Variants in PEX7 observed in about 807,000 individuals in gnomAD.
PEX7 encodes peroxisomal biogenesis factor 7.
Under a neutral mutation model 47.5 loss-of-function variants are expected in PEX7, and 34 were observed. That is an observed-to-expected ratio of 0.72 (90% CI 0.54 to 0.95). The LOEUF (loss-of-function observed/expected upper bound fraction) is 0.95. Among genes scored for constraint, PEX7 ranks in the 40% least tolerant of loss-of-function variants. PEX7 has a pLI of 0.00. For missense variants in PEX7, 394 were observed against 400.3 expected (o/e 0.98, Z 0.13); for synonymous variants, 141 against 148.8 (o/e 0.95, Z 0.38).
chr6:136,829,493 A>G (rs1582734910), intron 3 of PEX7, among the ~76,000 whole-genome samples: 2 of 152,194 alleles, frequency 1.3e-5, no homozygotes, highest in Admixed American at 6.5e-5. Context: ...CCTACGTCCT[A>G]AAACCATTAC....
chr6:136,852,714 T>C (rs1158119415), intron 5 of PEX7, among the ~76,000 whole-genome samples: 2 of 7,092 alleles, frequency 2.8e-4, no homozygotes, highest in African/African-American at 1.4e-3. Flanking sequence ...AGAATCAATA[T>C]CGTGAAAATG....
At chr6:136,826,555 A>G (rs1435926384) in intron 3 of PEX7, 86 bp downstream of exon 3, 5 of 1,479,206 alleles carry the variant, frequency 3.4e-6, no homozygotes, top group Non-Finnish European at 4.7e-6. Context: ...ATGGAGAAAT[A>G]TCTTCAGGGG....
chr6:136,887,303 T>C (rs748648932), intron 8 of PEX7, among the ~76,000 whole-genome samples: 6 of 152,158 alleles, frequency 3.9e-5, no homozygotes, highest in Non-Finnish European at 7.3e-5. Flanking sequence ...ATTTAATCTC[T>C]CATAAAGTGA....
Position 136,913,511 on chromosome 6 carries a change from T to C in PEX7, c.957T>C (p.Leu319=), listed in dbSNP as rs1275603952. The part of the protein sequence containing the change: ...ETIKIYDPAC[L]TIPA ...TAAAGATCTATGACCCTGCTTGTCTTACTATTCCTGCTTGAGATACACTAC... is the reference window on the plus strand; with the variant it reads ...TAAAGATCTATGACCCTGCTTGTCTCACTATTCCTGCTTGAGATACACTAC... The change falls in exon 10 of 10, where the codon CTT becomes CTC. Residue 319 remains leucine (L), a synonymous_variant. Transcript: ENST00000318471. 6.2e-7 allele frequency: 1 copy of C among 1,611,130 alleles called. No homozygotes were observed. Among genetic ancestry groups the C allele is most frequent in the East Asian group, 2.2e-5 (1 of 44,830 alleles).
chr6:136,866,719 T>TATACA lies in PEX7; in HGVS notation c.619_620insATACA (p.Cys207TyrfsTer11). ...GGCAGAAATCTTGAGTTGTGACTGGTGTAAATACAATGAGGTATAGTGTAT... is the reference window on the plus strand; with the variant it reads ...GGCAGAAATCTTGAGTTGTGACTGGTATACAGTAAATACAATGAGGTATAGTGTAT... On this transcript the variant is annotated frameshift_variant, in exon 6 of 10. Transcript: ENST00000318471. LOFTEE classifies it high-confidence loss of function. 1.9e-6 allele frequency: 3 copies of TATACA among 1,613,610 alleles called. No individual in the cohort carries two copies. Among genetic ancestry groups the TATACA allele is most frequent in the Non-Finnish European group, 2.5e-6 (3 of 1,179,596 alleles).
At chr6:136,882,625 C>T (rs1775397351) in intron 8 of PEX7, among the ~76,000 whole-genome samples, 1 of 152,122 alleles carries the variant, frequency 6.6e-6, no homozygotes, top group Non-Finnish European at 1.5e-5. Flanking sequence ...CAGATTTTCT[C>T]TAAATCTGTA....
At chr6:136,860,974 G>T (rs1270644835) in intron 5 of PEX7, among the ~76,000 whole-genome samples, 2 of 152,050 alleles carry the variant, frequency 1.3e-5, no homozygotes, top group African/African-American at 2.4e-5. Flanking sequence ...TTTGTTACTG[G>T]TTTTTTTCAT....
At chr6:136,895,974 C>G (rs982340813) in intron 8 of PEX7, among the ~76,000 whole-genome samples, 1 of 152,128 alleles carries the variant, frequency 6.6e-6, no homozygotes, top group African/African-American at 2.4e-5. Context: ...AGAGCAAATT[C>G]AGGTGGACTT....
intron 9 of PEX7, among the ~76,000 whole-genome samples, chr6:136,898,461 G>A (rs1775691310): frequency 6.6e-6 from 1 of 152,204 alleles, no homozygotes; most frequent in Non-Finnish European, 1.5e-5. Flanking sequence ...ACCTTCCCAG[G>A]AGGTATTATC....
At chr6:136,865,233 C>T (rs1195526369) in intron 5 of PEX7, among the ~76,000 whole-genome samples, 2 of 152,014 alleles carry the variant, frequency 1.3e-5, no homozygotes. Context: ...GGAAGATTGC[C>T]TGAGGTCAGA....
chr6:136,828,598 T>C (rs1774239081), intron 3 of PEX7, among the ~76,000 whole-genome samples: 1 of 152,356 alleles, frequency 6.6e-6, no homozygotes, highest in East Asian at 1.9e-4. Flanking sequence ...GTCATTTCAT[T>C]GTCCTGTCCT....
rs1334708464 is a variant in PEX7, at chr6:136,866,820, T to C, written c.633+87T>C. ...TATTTGTCTTTGTTTATGTGGACTT[T>C]GGTGGTGTTCCTGGACCATTAAGTT... On this transcript the variant is annotated intron_variant, in intron 6 of 9. Transcript: ENST00000318471. The C allele has an allele frequency of 1.4e-5, 16 of 1,154,984 alleles. No individual in the cohort carries two copies. In the South Asian group the frequency reaches 1.6e-4, roughly 11 times the overall value. The allele number at this position is 1,154,984 out of a possible 1,614,324, so 71.5% of individuals were successfully genotyped here. A position where few individuals can be genotyped will look rare whatever the true frequency, so the allele number is the denominator to read the frequency against.
intron 5 of PEX7, among the ~76,000 whole-genome samples, chr6:136,854,726 C>A (rs1172418565): frequency 6.6e-6 from 1 of 152,052 alleles, no homozygotes; most frequent in African/African-American, 2.4e-5. Flanking sequence ...GGCCTTATAT[C>A]CTACAGTTTC....
At chr6:136,840,805 G>A (rs1354978940) in intron 3 of PEX7, among the ~76,000 whole-genome samples, 1 of 152,058 alleles carries the variant, frequency 6.6e-6, no homozygotes, top group South Asian at 2.1e-4. Context: ...TCCCTGTTAA[G>A]GTCTTTCCCT....
At chr6:136,874,291 G>T (rs1449131140) in intron 8 of PEX7, among the ~76,000 whole-genome samples, 1 of 152,194 alleles carries the variant, frequency 6.6e-6, no homozygotes, top group Non-Finnish European at 1.5e-5. Context: ...TTTCATGGAA[G>T]TGAGTCTGTT....
chr6:136,878,625 C>T (rs1775320568), intron 8 of PEX7, among the ~76,000 whole-genome samples: 1 of 151,780 alleles, frequency 6.6e-6, no homozygotes, highest in South Asian at 2.1e-4. Context: ...TTTTGAACCC[C>T]CATACCTTTA....
In PEX7 at chr6:136,822,661, G is replaced by A. The variant is rs751012289; in HGVS notation, c.-5G>A. On this transcript the variant is annotated 5_prime_UTR_variant, in exon 1 of 10. Coordinates refer to ENST00000318471, the MANE Select transcript of PEX7 (RefSeq NM_000288.4). ...GGGCAGCGAGGGCCGGGGGCGGCGG[G>A]CGGGATGAGTGCGGTGTGCGGTGGA... The A allele has an allele frequency of 6.6e-7, 1 of 1,526,204 alleles. No individual in the cohort carries two copies. Among genetic ancestry groups the A allele is most frequent in the South Asian group, 1.2e-5 (1 of 83,744 alleles). The allele number at this position is 1,526,204 out of a possible 1,614,324, so 94.5% of individuals were successfully genotyped here. A position where few individuals can be genotyped will look rare whatever the true frequency, so the allele number is the denominator to read the frequency against.
chr6:136,867,382 C>T (rs776347221), intron 6 of PEX7, among the ~76,000 whole-genome samples: 8 of 151,898 alleles, frequency 5.3e-5, no homozygotes, highest in Non-Finnish European at 7.4e-5. Flanking sequence ...CTATTGCCCC[C>T]GAAAACCTTC....
intron 7 of PEX7, chr6:136,870,751 C>T (rs1775164390): frequency 2.5e-6 from 1 of 407,094 alleles, no homozygotes; most frequent in African/African-American, 2.1e-5. Flanking sequence ...TGCCCTGTCA[C>T]CCAGACACGA....
Sources: gnomAD v4.1 joint callset for allele counts (sites outside exome capture counted in the v4.1 genomes callset) on GRCh38, gnomAD v4.1.1 for gene constraint, MANE v1.5 for transcripts, NCBI Gene and HGNC (gene_info 2026-07-23, HGNC 2026-07-21) for gene names.